OCA2: variants seen among roughly 807,000 people sequenced by gnomAD.
The protein encoded by OCA2 is OCA2 melanosomal transmembrane protein, also known as P protein.
A neutral mutation model predicts 100.2 loss-of-function variants in OCA2; 77 were observed. The ratio of observed to expected loss-of-function variants is 0.77; its 90% CI spans 0.64 to 0.93. The LOEUF is 0.93. Among genes scored for constraint, OCA2 ranks in the 40% least tolerant of loss-of-function variants. The probability of loss-of-function intolerance (pLI) is 0.00; values close to 1 mark genes in which losing one functional copy is unlikely to be tolerated. For missense variants in OCA2, 1,062 were observed against 1,089.1 expected (o/e 0.98, Z 0.35); for synonymous variants, 432 against 439.2 (o/e 0.98, Z 0.21).
chr15:28,091,324 A>C (rs1378206043), intron 1 of OCA2, among the ~76,000 whole-genome samples: 1 of 152,228 alleles, frequency 6.6e-6, no homozygotes, highest in African/African-American at 2.4e-5. Context: ...AGTTTTATGA[A>C]GACAATATTA....
At position 27,871,152 on chromosome 15, in the gene OCA2, A is replaced by C. The variant is rs1338085924; in HGVS notation, c.2244+2T>G. ...CCGTCGACATGGACATGTGCAACTC[A>C]CCATGGTAGCAGTGAACGGGATGTT... On this transcript the variant is annotated splice_donor_variant, in intron 21 of 23. Coordinates refer to ENST00000354638, the MANE Select transcript of OCA2 (RefSeq NM_000275.3). LOFTEE classifies it high-confidence loss of function. 1.2e-6 allele frequency: 2 copies of C among 1,609,850 alleles called. No individual in the cohort carries two copies. The highest frequency in any genetic ancestry group is 1.7e-6 in the Non-Finnish European group (2 of 1,176,214).
chr15:28,018,918 C>T, intron 6 of OCA2, among the ~76,000 whole-genome samples: 1 of 152,202 alleles, frequency 6.6e-6, no homozygotes, highest in Admixed American at 6.5e-5. Context: ...GTGCTCTCGT[C>T]CTATCACACC....
intron 2 of OCA2, among the ~76,000 whole-genome samples, chr15:28,061,908 A>G (rs961409955): frequency 6.6e-6 from 1 of 152,030 alleles, no homozygotes; most frequent in South Asian, 2.1e-4. Context: ...TACTTCTTCT[A>G]TTTTTATGGG....
At chr15:27,734,070 G>A in the OCA2 span, among the ~76,000 whole-genome samples, 4 of 150,766 alleles carry the variant, frequency 2.7e-5, no homozygotes, top group Non-Finnish European at 4.4e-5. Context: ...TGATGCAGGA[G>A]AATTGCTTGA....
chr15:27,746,881 G>A, the OCA2 span, among the ~76,000 whole-genome samples: 3 of 152,132 alleles, frequency 2.0e-5, no homozygotes, highest in African/African-American at 7.2e-5. Flanking sequence ...AGTCTGGTGG[G>A]ATCAGACCCT....
intron 9 of OCA2, among the ~76,000 whole-genome samples, chr15:28,009,764 G>C (rs1023910836): frequency 2.6e-5 from 4 of 151,362 alleles, no homozygotes; most frequent in African/African-American, 9.7e-5. Flanking sequence ...TATAGTGTAA[G>C]TTCTCTAACT....
At chr15:28,086,227 G>C (rs1050371322) in intron 1 of OCA2, among the ~76,000 whole-genome samples, 2 of 152,222 alleles carry the variant, frequency 1.3e-5, no homozygotes, top group Non-Finnish European at 2.9e-5. Flanking sequence ...GTCAGAGGAG[G>C]CCAAATGGAG....
At chr15:27,851,502 A>T (rs576801742) in intron 21 of OCA2, 27 bp from the exon 22 acceptor site, 1 of 1,577,574 alleles carries the variant, frequency 6.3e-7, no homozygotes, top group East Asian at 2.2e-5. Flanking sequence ...CATTGATGCC[A>T]CGTCCCATGG....
Position 28,014,849 on chromosome 15 carries a change from C to T in OCA2, c.971G>A (p.Arg324His), listed in dbSNP as rs1199627951. The change falls in exon 9 of 24, where the codon CGC (arginine) becomes CAC (histidine). Residue 324 changes from arginine (R) to histidine (H), a missense_variant. Physicochemically the swap from Arg to His is conservative, Grantham distance 29. Coordinates refer to ENST00000354638, the MANE Select transcript of OCA2 (RefSeq NM_000275.3). ...VPLLMAHQYL[R>H]GSVETQVTIA... The stretch of plus-strand genomic sequence containing the variant: ...GGTCACCTGGGTTTCTACACTTCCG[C>T]GGAGGTACTGATGAGCCATCAAAAG... The T allele has an allele frequency of 1.3e-5, 21 of 1,613,966 alleles. No individual in the cohort carries two copies. The highest frequency in any genetic ancestry group is 1.6e-4 in the Middle Eastern group (1 of 6,084).
At position 27,913,891 on chromosome 15, in the gene OCA2, GA is replaced by G. The variant is rs1491244735; in HGVS notation, c.2079+12235del. 3.0e-3 allele frequency among the ~76,000 whole-genome samples: 125 copies of G among 42,078 alleles called. 13 individuals carry two copies. In the East Asian group the frequency reaches 0.068, roughly 23 times the overall value. 27.6% of individuals were successfully genotyped at this position (42,078 alleles called of 152,430 possible). A position where few individuals can be genotyped will look rare whatever the true frequency, so the allele number is the denominator to read the frequency against. On this transcript the variant is annotated intron_variant, in intron 19 of 23. Coordinates refer to ENST00000354638, the MANE Select transcript of OCA2 (RefSeq NM_000275.3). The stretch of plus-strand genomic sequence containing the variant: ...AGAAAGAAAGAAAGAAAGAAAGAAA[GA>G]AAGCAAGCAAGCAAGCAAGCAAGCA...
chr15:27,926,641 T>C (rs1476672845), intron 18 of OCA2, among the ~76,000 whole-genome samples: 3 of 152,148 alleles, frequency 2.0e-5, no homozygotes, highest in East Asian at 1.9e-4. Context: ...GGGGGCCTTT[T>C]TGAGACACAG....
intron 14 of OCA2, among the ~76,000 whole-genome samples, chr15:27,976,049 A>AAATTTT (rs56104405): frequency 0.75 from 113,052 of 151,628 alleles, 43,494 homozygotes; most frequent in East Asian, 1. Flanking sequence ...ACTGTAAGTG[A>AAATTTT]AATTTTAATT....
At chr15:27,860,913 C>T (rs968620428) in intron 21 of OCA2, among the ~76,000 whole-genome samples, 1 of 152,208 alleles carries the variant, frequency 6.6e-6, no homozygotes, top group African/African-American at 2.4e-5. Context: ...AGGGAGGAAG[C>T]AGCAGCCAGG....
At chr15:27,760,278 A>G (rs2150988267) in intron 23 of OCA2, among the ~76,000 whole-genome samples, 1 of 152,128 alleles carries the variant, frequency 6.6e-6, no homozygotes, top group East Asian at 1.9e-4. Flanking sequence ...ATCTAGGAAA[A>G]GAAAGCAAAT....
chr15:28,064,837 T>G (rs2141698028), intron 2 of OCA2, among the ~76,000 whole-genome samples: 1 of 148,120 alleles, frequency 6.8e-6, no homozygotes, highest in East Asian at 1.9e-4. Flanking sequence ...ATGGATTTGT[T>G]TCTTTGTATG....
chr15:28,024,272 T>G (rs1199590602), intron 5 of OCA2, among the ~76,000 whole-genome samples: 2 of 152,196 alleles, frequency 1.3e-5, no homozygotes, highest in African/African-American at 2.4e-5. Context: ...TCCCACACTC[T>G]GTTCCCTACA....
intron 1 of OCA2, among the ~76,000 whole-genome samples, chr15:28,098,157 A>T (rs1055971302): frequency 2.2e-4 from 34 of 152,240 alleles, no homozygotes; most frequent in African/African-American, 7.7e-4. Context: ...TTAGGGACTT[A>T]TGATCCTAAA....
At position 28,014,853 on chromosome 15, in the gene OCA2, G is replaced by A; in HGVS notation, c.967C>T (p.Leu323Phe). 2 of 1,614,170 alleles carry A rather than the reference G, an allele frequency of 1.2e-6. No individual in the cohort carries two copies. The highest frequency in any genetic ancestry group is 8.5e-7 in the Non-Finnish European group (1 of 1,180,032). Residue 323 changes from leucine (L) to phenylalanine (F), a missense_variant, in exon 9 of 24, where the codon CTC becomes TTC. Transcript: ENST00000354638. ...ACCTGGGTTTCTACACTTCCGCGGA[G>A]GTACTGATGAGCCATCAAAAGAGGG... ...AVPLLMAHQY[L>F]RGSVETQVTI...
At chr15:28,079,349 A>C (rs1025673818) in intron 2 of OCA2, among the ~76,000 whole-genome samples, 6 of 151,636 alleles carry the variant, frequency 4.0e-5, no homozygotes, top group African/African-American at 1.5e-4. Context: ...AGAAGGGCAA[A>C]ATGTAATAAA....
Sources: gnomAD v4.1 joint callset for allele counts (sites outside exome capture counted in the v4.1 genomes callset) on GRCh38, gnomAD v4.1.1 for gene constraint, MANE v1.5 for transcripts, NCBI Gene and HGNC (gene_info 2026-07-23, HGNC 2026-07-21) for gene names.